Variants in EFR3A observed in about 807,000 individuals in gnomAD.
EFR3A encodes EFR3 homolog A, also known as protein EFR3 homolog A.
Under a neutral mutation model 104.4 loss-of-function variants are expected in EFR3A, and 76 were observed. The observed-to-expected ratio is 0.73, with a 90% CI of 0.60 to 0.88. EFR3A has a LOEUF of 0.88. EFR3A is among the 40% of genes least tolerant of loss of function. The pLI is 0.00. For missense variants in EFR3A, 985 were observed against 1,012.5 expected, an observed-to-expected ratio of 0.97 and a Z score of 0.37; for synonymous variants, 330 against 330.0, an observed-to-expected ratio of 1.00 and a Z score of 0.00.
chr8:132,005,641 A>T (rs1822003681), intron 22 of EFR3A, among the ~76,000 whole-genome samples: 2 of 152,140 alleles, frequency 1.3e-5, no homozygotes, highest in Non-Finnish European at 2.9e-5. Context: ...TATTCTCACG[A>T]TCGTCTCCTG....
chr8:132,008,869 A>G (rs1027339642), intron 22 of EFR3A, among the ~76,000 whole-genome samples: 7 of 149,274 alleles, frequency 4.7e-5, no homozygotes, highest in Non-Finnish European at 8.9e-5. Flanking sequence ...AAAAAAAAAA[A>G]AAAAAGAAAG....
intron 9 of EFR3A, 121 bp from the exon 10 acceptor site, chr8:131,970,355 T>C: frequency 3.3e-6 from 3 of 906,000 alleles, no homozygotes; most frequent in Non-Finnish European, 5.0e-6. Context: ...AGTTTATAAA[T>C]TACTATGGAT....
At chr8:131,932,613 G>A (rs1203069824) in intron 1 of EFR3A, among the ~76,000 whole-genome samples, 2 of 152,026 alleles carry the variant, frequency 1.3e-5, no homozygotes, top group African/African-American at 4.8e-5. Flanking sequence ...TTGTTACTTT[G>A]TGTATTTACC....
At chr8:131,939,422 T>C (rs950061933) in intron 1 of EFR3A, among the ~76,000 whole-genome samples, 1 of 152,150 alleles carries the variant, frequency 6.6e-6, no homozygotes, top group Non-Finnish European at 1.5e-5. Flanking sequence ...GAACTGGACA[T>C]TGTTTGCATT....
At chr8:131,919,595 C>CAAA (rs1054823834) in intron 1 of EFR3A, among the ~76,000 whole-genome samples, 15 of 53,836 alleles carry the variant, frequency 2.8e-4, no homozygotes, top group African/African-American at 6.1e-4. Flanking sequence ...GACTCCGTCT[C>CAAA]AAAAAAAAAA....
chr8:132,009,154 A>C (rs1343815109), intron 22 of EFR3A, among the ~76,000 whole-genome samples: 1 of 152,076 alleles, frequency 6.6e-6, no homozygotes, highest in East Asian at 1.9e-4. Context: ...TATGAAATTA[A>C]TATCTGTGCA....
chr8:131,975,091 A>G (rs1398664407), intron 10 of EFR3A, among the ~76,000 whole-genome samples: 1 of 152,238 alleles, frequency 6.6e-6, no homozygotes, highest in Non-Finnish European at 1.5e-5. Flanking sequence ...AAGTATCAAA[A>G]GCTACAGCAG....
At chr8:131,984,893 A>G in intron 15 of EFR3A, 36 bp from the exon 16 acceptor site, 1 of 1,582,346 alleles carries the variant, frequency 6.3e-7, no homozygotes, top group Non-Finnish European at 8.6e-7. Flanking sequence ...AAGTATAAGA[A>G]CTTGATCTCT....
At chr8:131,905,522 T>G (rs1433406019) in intron 1 of EFR3A, among the ~76,000 whole-genome samples, 1 of 152,242 alleles carries the variant, frequency 6.6e-6, no homozygotes, top group Non-Finnish European at 1.5e-5. Flanking sequence ...TAGAGATTAC[T>G]TTTAACTCCT....
chr8:131,936,732 A>G (rs1312412042), intron 1 of EFR3A, among the ~76,000 whole-genome samples: 1 of 152,116 alleles, frequency 6.6e-6, no homozygotes, highest in Non-Finnish European at 1.5e-5. Flanking sequence ...ATTAAGAAGG[A>G]GACAGATGAA....
intron 1 of EFR3A, among the ~76,000 whole-genome samples, chr8:131,915,963 G>C (rs890599258): frequency 6.6e-6 from 1 of 152,166 alleles, no homozygotes; most frequent in Non-Finnish European, 1.5e-5. Context: ...ACCAACAGGG[G>C]TGTCGTCCCT....
At chr8:131,950,175 G>A in intron 5 of EFR3A, 85 bp downstream of exon 5, 1 of 1,360,388 alleles carries the variant, frequency 7.4e-7, no homozygotes, top group Non-Finnish European at 1.0e-6. Context: ...ATTACCAGAG[G>A]AAACAATAAT....
At chr8:132,001,298 G>A (rs1821769477) in intron 19 of EFR3A, among the ~76,000 whole-genome samples, 1 of 152,126 alleles carries the variant, frequency 6.6e-6, no homozygotes, top group African/African-American at 2.4e-5. Flanking sequence ...TGTAAACTGT[G>A]TGTGGTACCA....
intron 17 of EFR3A, 32 bp downstream of exon 17, chr8:131,986,293 G>T (rs1259889394): frequency 4.3e-6 from 5 of 1,162,786 alleles, no homozygotes; most frequent in Non-Finnish European, 6.3e-6. Flanking sequence ...TAAGGATGGG[G>T]TACTGACTTG....
intron 1 of EFR3A, among the ~76,000 whole-genome samples, chr8:131,936,825 C>T (rs954528407): frequency 7.2e-5 from 11 of 152,096 alleles, no homozygotes; most frequent in African/African-American, 2.7e-4. Flanking sequence ...AGGTAAGTCA[C>T]CCTCCGGAAA....
chr8:131,954,098 A>G (rs2130621318), intron 6 of EFR3A, 131 bp downstream of exon 6: 2 of 935,042 alleles, frequency 2.1e-6, no homozygotes, highest in East Asian at 5.7e-5. Flanking sequence ...GAGTTTAAAA[A>G]TATGTACCTT....
In EFR3A at chr8:131,983,456, C is replaced by G. The variant is rs1407466495; in HGVS notation, c.1576-683C>G. Among the ~76,000 whole-genome samples, 5 of 151,742 alleles carry G rather than the reference C, an allele frequency of 3.3e-5. No homozygotes were observed. In the East Asian group the frequency reaches 9.6e-4, roughly 29 times the overall value. On this transcript the variant is annotated intron_variant, in intron 14 of 22. Transcript: ENST00000254624. ...CATTGTGACTGGATGTGGCATTGCA[C>G]CTGTATCCAGGAATGCTTTAGAAAG...
At chr8:131,916,091 T>C (rs1816734307) in intron 1 of EFR3A, among the ~76,000 whole-genome samples, 1 of 152,164 alleles carries the variant, frequency 6.6e-6, no homozygotes. Context: ...GTTTATAGTT[T>C]TGGTATAGTG....
rs576410650 is a variant in EFR3A at position 131,974,103 on chromosome 8, G to T, written c.1160-1924G>T. Reference sequence around the variant, plus strand: ...TTTGTTGAACGTTGAAATTACCTCAGGATCTTAGAAAAGTACTGATGCTTG... The same window carrying T: ...TTTGTTGAACGTTGAAATTACCTCATGATCTTAGAAAAGTACTGATGCTTG... On this transcript the variant is annotated intron_variant, in intron 10 of 22. Coordinates refer to ENST00000254624, the MANE Select transcript of EFR3A (RefSeq NM_015137.6). 2.0e-4 allele frequency among the ~76,000 whole-genome samples: 31 copies of T among 152,204 alleles called. No individual in the cohort carries two copies. In the South Asian group the frequency reaches 2.9e-3, roughly 14 times the overall value.
Sources: gnomAD v4.1 joint callset for allele counts (sites outside exome capture counted in the v4.1 genomes callset) on GRCh38, gnomAD v4.1.1 for gene constraint, MANE v1.5 for transcripts, NCBI Gene and HGNC (gene_info 2026-07-23, HGNC 2026-07-21) for gene names.